Variants in SNX29 observed in about 807,000 individuals in gnomAD.
SNX29 encodes the protein sorting nexin 29, also known as sorting nexin-29.
A neutral mutation model predicts 102.1 loss-of-function variants in SNX29; 78 were observed. The ratio of observed to expected loss-of-function variants is 0.76; its 90% CI spans 0.64 to 0.92. SNX29 has a LOEUF of 0.92. Ranked by LOEUF, SNX29 falls within the 40% of genes least tolerant of loss-of-function variation. The pLI is 0.00. For missense variants in SNX29, 1,280 were observed against 1,061.7 expected (o/e 1.21, Z -2.86); for synonymous variants, 580 against 414.5 (o/e 1.40, Z -4.85).
At position 12,359,784 on chromosome 16, in the gene SNX29, A is replaced by G. The variant is rs568202429; in HGVS notation, c.1899+3505A>G. On this transcript the variant is annotated intron_variant, in intron 16 of 20. Transcript: ENST00000566228. Reference sequence around the variant, plus strand: ...TCATAAATACCCAATATTTACTGCTAAAATATATTCACAATACCATTATCA... The same window carrying G: ...TCATAAATACCCAATATTTACTGCTGAAATATATTCACAATACCATTATCA... Among the ~76,000 whole-genome samples the G allele has an allele frequency of 3.3e-5, 5 of 152,240 alleles. 1 individual carries two copies. The South Asian group carries it at 8.3e-4, about 25-fold the overall frequency.
chr16:12,011,259 C>G (rs867204004), intron 3 of SNX29, among the ~76,000 whole-genome samples: 2 of 137,720 alleles, frequency 1.5e-5, no homozygotes, highest in Middle Eastern at 3.9e-3. Flanking sequence ...TTTAACAAAT[C>G]TAAGCCCATT....
intron 18 of SNX29, among the ~76,000 whole-genome samples, chr16:12,427,253 C>T (rs575865794): frequency 6.6e-6 from 1 of 151,952 alleles, no homozygotes; most frequent in East Asian, 1.9e-4. Flanking sequence ...CCCTCATCTT[C>T]CAGGTTTGTT....
chr16:12,217,414 C>T (rs184957431), intron 14 of SNX29, among the ~76,000 whole-genome samples: 18 of 152,250 alleles, frequency 1.2e-4, no homozygotes, highest in Admixed American at 6.5e-4. Flanking sequence ...GCTAGAGATA[C>T]GGTGATGGGG....
At chr16:12,095,555 T>C (rs1411113058) in intron 11 of SNX29, among the ~76,000 whole-genome samples, 1 of 152,234 alleles carries the variant, frequency 6.6e-6, no homozygotes, top group Non-Finnish European at 1.5e-5. Context: ...ACCATCAGTA[T>C]AGCACAGTCA....
chr16:12,518,079 C>G (rs185564355), intron 19 of SNX29, among the ~76,000 whole-genome samples: 1 of 152,154 alleles, frequency 6.6e-6, no homozygotes, highest in Non-Finnish European at 1.5e-5. Flanking sequence ...CCATGAGCCA[C>G]GCTAGTTTAG....
chr16:12,514,759 G>C (rs1160941064), intron 19 of SNX29, among the ~76,000 whole-genome samples: 1 of 152,118 alleles, frequency 6.6e-6, no homozygotes, highest in Admixed American at 6.6e-5. Flanking sequence ...CTCCTACTCG[G>C]GAGGCTGAGG....
At chr16:11,987,976 C>A (rs1015868022) in intron 1 of SNX29, among the ~76,000 whole-genome samples, 27 of 152,254 alleles carry the variant, frequency 1.8e-4, no homozygotes, top group African/African-American at 6.3e-4. Context: ...ATAGCTTTAC[C>A]AGCATTGGGG....
At chr16:12,102,868 G>T (rs1048533076) in intron 11 of SNX29, among the ~76,000 whole-genome samples, 17 of 152,088 alleles carry the variant, frequency 1.1e-4, no homozygotes, top group Non-Finnish European at 2.5e-4. Flanking sequence ...TAAAGTCTCT[G>T]GATATAAAAT....
chr16:12,350,582 C>T (rs2081965780), intron 15 of SNX29, among the ~76,000 whole-genome samples: 1 of 152,094 alleles, frequency 6.6e-6, no homozygotes, highest in Non-Finnish European at 1.5e-5. Flanking sequence ...TGGCTTTGTT[C>T]ACATCAGCGA....
At position 12,233,873 on chromosome 16, in the gene SNX29, A is replaced by G. The variant is rs574598378; in HGVS notation, c.1678+34190A>G. ...GATACAGTGTATGGCGGTTTGTGATAGGTTTCCTTCATTTAGCATAAGGTT... is the reference window on the plus strand; with the variant it reads ...GATACAGTGTATGGCGGTTTGTGATGGGTTTCCTTCATTTAGCATAAGGTT... On this transcript the variant is annotated intron_variant, in intron 14 of 20. Coordinates refer to ENST00000566228, the MANE Select transcript of SNX29 (RefSeq NM_032167.5). 2.0e-4 allele frequency among the ~76,000 whole-genome samples: 30 copies of G among 152,262 alleles called. No homozygotes were observed. In the East Asian group the frequency reaches 2.5e-3, roughly 13 times the overall value.
At position 12,572,453 on chromosome 16, in the gene SNX29, T is replaced by C. The variant is rs900689086; in HGVS notation, c.*3824T>C. 1.9e-6 allele frequency: 2 copies of C among 1,063,264 alleles called. No individual in the cohort carries two copies. Among genetic ancestry groups the C allele is most frequent in the Non-Finnish European group, 2.3e-6 (2 of 878,024 alleles). The allele number at this position is 1,063,264 out of a possible 1,614,324, so 65.9% of individuals were successfully genotyped here. A position where few individuals can be genotyped will look rare whatever the true frequency, so the allele number is the denominator to read the frequency against. Reference sequence around the variant, plus strand: ...GGCTGCCTCTCTTGGTTCTGCATGGTACATTTTGCCAACCCTGAGGACCAG... The same window carrying C: ...GGCTGCCTCTCTTGGTTCTGCATGGCACATTTTGCCAACCCTGAGGACCAG... On this transcript the variant is annotated 3_prime_UTR_variant, in exon 21 of 21. Transcript: ENST00000566228.
chr16:12,275,896 T>TG (rs1398217141), intron 14 of SNX29, among the ~76,000 whole-genome samples: 4 of 148,696 alleles, frequency 2.7e-5, no homozygotes, highest in Non-Finnish European at 5.9e-5. Flanking sequence ...TTTTTTTTTT[T>TG]TTTTTTGGGG....
intron 3 of SNX29, among the ~76,000 whole-genome samples, chr16:12,008,493 TC>T (rs2056533602): frequency 6.6e-6 from 1 of 151,210 alleles, no homozygotes; most frequent in Non-Finnish European, 1.5e-5. Flanking sequence ...GGACCTGAAC[TC>T]CCGACCTCAG....
At chr16:12,504,594 T>C (rs979867677) in intron 19 of SNX29, among the ~76,000 whole-genome samples, 4 of 152,262 alleles carry the variant, frequency 2.6e-5, no homozygotes, top group African/African-American at 4.8e-5. Flanking sequence ...TCCAAGGTTT[T>C]ACTTTCTGCA....
chr16:12,548,804 G>A lies in SNX29; in HGVS notation c.2319-19702G>A, dbSNP rs1169050391. 2.0e-5 allele frequency among the ~76,000 whole-genome samples: 3 copies of A among 151,762 alleles called. No individual in the cohort carries two copies. In the East Asian group the frequency reaches 5.8e-4, roughly 29 times the overall value. ...CACAGTGCTGGGTCATAGCTGGGCTGTTGTTTTCCTATGGCAGGCCCAGCC... is the reference window on the plus strand; with the variant it reads ...CACAGTGCTGGGTCATAGCTGGGCTATTGTTTTCCTATGGCAGGCCCAGCC... On this transcript the variant is annotated intron_variant, in intron 20 of 20. Coordinates refer to ENST00000566228, the MANE Select transcript of SNX29 (RefSeq NM_032167.5).
At chr16:12,212,993 A>T (rs546201350) in intron 14 of SNX29, among the ~76,000 whole-genome samples, 136 of 152,320 alleles carry the variant, frequency 8.9e-4, no homozygotes, top group African/African-American at 3.1e-3. Context: ...ATGCACCTGT[A>T]ATCCCAGCTA....
chr16:12,318,212 C>T (rs1018734058), intron 15 of SNX29, among the ~76,000 whole-genome samples: 1 of 152,242 alleles, frequency 6.6e-6, no homozygotes, highest in Admixed American at 6.5e-5. Context: ...TCATGCACAC[C>T]TGGGAGCCTG....
At chr16:12,036,133 G>T (rs1335952496) in intron 4 of SNX29, among the ~76,000 whole-genome samples, 3 of 151,960 alleles carry the variant, frequency 2.0e-5, no homozygotes, top group Non-Finnish European at 2.9e-5. Context: ...GGAGTGCAGT[G>T]GTGCAATCAT....
chr16:12,441,015 A>G (rs1469518478), intron 18 of SNX29, among the ~76,000 whole-genome samples: 1 of 150,836 alleles, frequency 6.6e-6, no homozygotes, highest in African/African-American at 2.4e-5. Context: ...GTGGCCTTCT[A>G]TGCTTGGCTT....
Sources: gnomAD v4.1 joint callset for allele counts (sites outside exome capture counted in the v4.1 genomes callset) on GRCh38, gnomAD v4.1.1 for gene constraint, MANE v1.5 for transcripts, NCBI Gene and HGNC (gene_info 2026-07-23, HGNC 2026-07-21) for gene names.